The following RPS6KA2 variants were observed in gnomAD, a reference collection of about 807,000 sequenced individuals.
RPS6KA2 encodes ribosomal protein S6 kinase alpha-2.
A neutral mutation model predicts 91.8 loss-of-function variants in RPS6KA2; 42 were observed. That is an observed-to-expected ratio of 0.46 (90% CI 0.36 to 0.59). The LOEUF is 0.59. RPS6KA2 is among the 20% of genes least tolerant of loss of function. The pLI is 0.00. For synonymous variants in RPS6KA2, 414 were observed against 393.6 expected, an observed-to-expected ratio of 1.05 and a Z score of -0.61; for missense variants, 798 against 978.5, an observed-to-expected ratio of 0.82 and a Z score of 2.46.
At chr6:166,674,761 C>T (rs924674978) in intron 2 of RPS6KA2, among the ~76,000 whole-genome samples, 2 of 152,156 alleles carry the variant, frequency 1.3e-5, no homozygotes, top group South Asian at 2.1e-4. Context: ...CTCCGCCTCC[C>T]GGGTTCAAGC....
intron 2 of RPS6KA2, among the ~76,000 whole-genome samples, chr6:166,678,176 C>T (rs1788670846): frequency 6.6e-6 from 1 of 152,202 alleles, no homozygotes; most frequent in South Asian, 2.1e-4. Context: ...ACCAATTTCT[C>T]CTGCCAGCCA....
chr6:166,513,900 T>G (rs1239740451), intron 3 of RPS6KA2, among the ~76,000 whole-genome samples: 1 of 152,226 alleles, frequency 6.6e-6, no homozygotes, highest in Admixed American at 6.5e-5. Flanking sequence ...CCTTTCTGAT[T>G]GTAGTCATTG....
chr6:166,532,489 G>C (rs1172728829), intron 2 of RPS6KA2, among the ~76,000 whole-genome samples: 1 of 152,230 alleles, frequency 6.6e-6, no homozygotes, highest in Non-Finnish European at 1.5e-5. Flanking sequence ...GATTCACGGA[G>C]TTGCTGTATC....
chr6:166,817,639 G>C (rs530328239), intron 2 of RPS6KA2, among the ~76,000 whole-genome samples: 1 of 152,048 alleles, frequency 6.6e-6, no homozygotes, highest in Non-Finnish European at 1.5e-5. Flanking sequence ...TGGTTCCCCA[G>C]TTGTTACAAT....
Position 166,416,159 on chromosome 6 carries a change from C to T in RPS6KA2, c.1938+2066G>A. Among the ~76,000 whole-genome samples the T allele has an allele frequency of 2.0e-5, 3 of 151,482 alleles. No individual in the cohort carries two copies. The South Asian group carries it at 6.4e-4, about 32-fold the overall frequency. On this transcript the variant is annotated intron_variant, in intron 19 of 20. Coordinates refer to ENST00000265678, the MANE Select transcript of RPS6KA2 (RefSeq NM_021135.6). Reference sequence around the variant, plus strand: ...ACCATCACCCTCACCATCATCTTCACCACCACCTCCACCATCACCCTCGCC... The same window carrying T: ...ACCATCACCCTCACCATCATCTTCATCACCACCTCCACCATCACCCTCGCC...
chr6:166,748,603 CCCA>C (rs1791118310), intron 2 of RPS6KA2, among the ~76,000 whole-genome samples: 1 of 66,904 alleles, frequency 1.5e-5, no homozygotes, highest in Non-Finnish European at 3.0e-5. Flanking sequence ...TCCTCAGGCC[CCCA>C]TTTCCCTGGG....
rs142221553 is a variant in RPS6KA2, at chr6:166,773,585, G to A, written c.123+84615C>T. Among the ~76,000 whole-genome samples, 770 of 151,906 alleles carry A rather than the reference G, an allele frequency of 5.1e-3. 5 individuals are homozygous for A. Among genetic ancestry groups the A allele is most frequent in the East Asian group, 0.024 (122 of 5,156 alleles). On this transcript the variant is annotated intron_variant, in intron 2 of 21. Transcript: ENST00000503859. ...CCCAGCTAATTTTTGTGTTTTTAGCGGAGACAGGGTTTCACCATTGGCCAG... is the reference window on the plus strand; with the variant it reads ...CCCAGCTAATTTTTGTGTTTTTAGCAGAGACAGGGTTTCACCATTGGCCAG...
chr6:166,582,444 T>TCAC (rs1437887896), intron 1 of RPS6KA2, among the ~76,000 whole-genome samples: 1 of 152,248 alleles, frequency 6.6e-6, no homozygotes, highest in African/African-American at 2.4e-5. Flanking sequence ...TCACAGCTGC[T>TCAC]CACCACCATG....
intron 2 of RPS6KA2, among the ~76,000 whole-genome samples, chr6:166,647,930 GCACATGCTCATACACA>G (rs1163807744): frequency 3.5e-5 from 4 of 114,316 alleles, no homozygotes; most frequent in Non-Finnish European, 7.3e-5. Context: ...TCACACACAC[GCACATGCTCATACACA>G]CACATGCACA....
intron 20 of RPS6KA2, 138 bp downstream of exon 20, chr6:166,413,655 TG>T: frequency 1.3e-6 from 1 of 787,144 alleles, no homozygotes; most frequent in Non-Finnish European, 2.0e-6. Flanking sequence ...CGAAGGTAGG[TG>T]GGCCGGCGGT....
intron 2 of RPS6KA2, among the ~76,000 whole-genome samples, chr6:166,664,034 G>C: frequency 6.6e-6 from 1 of 152,250 alleles, no homozygotes; most frequent in East Asian, 1.9e-4. Flanking sequence ...ATGGTTGAAA[G>C]TGCTTTATAA....
chr6:166,672,709 G>A (rs116406046), intron 2 of RPS6KA2, among the ~76,000 whole-genome samples: 2 of 152,234 alleles, frequency 1.3e-5, no homozygotes, highest in Admixed American at 1.3e-4. Flanking sequence ...GATCTCAGAG[G>A]GGGGCCGGCT....
intron 10 of RPS6KA2, among the ~76,000 whole-genome samples, chr6:166,476,835 T>C (rs1224797128): frequency 6.6e-6 from 1 of 152,102 alleles, no homozygotes; most frequent in Non-Finnish European, 1.5e-5. Context: ...AGCTCTGGCA[T>C]TGAGAGCTCT....
At chr6:166,775,094 C>T (rs17518936) in intron 2 of RPS6KA2, among the ~76,000 whole-genome samples, 9,143 of 152,190 alleles carry the variant, frequency 0.06, 362 homozygotes, top group Non-Finnish European at 0.091. Flanking sequence ...ACCAATTTTA[C>T]GATTTTACCA....
intron 2 of RPS6KA2, among the ~76,000 whole-genome samples, chr6:166,680,318 G>A (rs898129496): frequency 2.0e-5 from 3 of 152,130 alleles, no homozygotes; most frequent in African/African-American, 4.8e-5. Context: ...TCTGTAAAAC[G>A]GACCAATCAG....
Position 166,770,929 on chromosome 6 carries a change from C to T in RPS6KA2, c.123+87271G>A, listed in dbSNP as rs563410950. 1.7e-5 allele frequency: 27 copies of T among 1,593,284 alleles called. No individual in the cohort carries two copies. The highest frequency in any genetic ancestry group is 1.7e-4 in the Middle Eastern group (1 of 6,038). On this transcript the variant is annotated intron_variant, in intron 2 of 21. Transcript: ENST00000503859. The surrounding 1 kb of genome is among the most constrained non-coding windows in gnomAD (Gnocchi z 5.1). ...CACTTTTGCCCTGTGAAAATGGAAA[C>T]GAAGAAAGAATTCCTTTAAGTCACA...
chr6:166,667,661 C>T (rs60299325), intron 2 of RPS6KA2, among the ~76,000 whole-genome samples: 6,752 of 152,228 alleles, frequency 0.044, 336 homozygotes, highest in African/African-American at 0.12. Flanking sequence ...TGACTGTGCA[C>T]CCCGACCCCC....
intron 1 of RPS6KA2, among the ~76,000 whole-genome samples, chr6:166,621,516 T>C (rs559131298): frequency 1.3e-5 from 2 of 152,332 alleles, no homozygotes; most frequent in East Asian, 1.9e-4. Context: ...TTGAATTCAA[T>C]GTAATAGCTT....
intron 1 of RPS6KA2, among the ~76,000 whole-genome samples, chr6:166,589,625 A>C (rs1639273640): frequency 6.6e-6 from 1 of 152,194 alleles, no homozygotes. Context: ...GCCTAAAGGG[A>C]AACTGGGAAA....
Sources: gnomAD v4.1 joint callset for allele counts (sites outside exome capture counted in the v4.1 genomes callset) on GRCh38, gnomAD v4.1.1 for gene constraint, Gnocchi (gnomAD v3.1) non-coding constraint, MANE v1.5 for transcripts, NCBI Gene and HGNC (gene_info 2026-07-23, HGNC 2026-07-21) for gene names.